Variants in FHAD1 observed in about 807,000 individuals in gnomAD.
FHAD1 encodes the protein forkhead associated phosphopeptide binding domain 1.
In FHAD1, 146 loss-of-function variants were observed where a neutral mutation model predicts 191.3. That is an observed-to-expected ratio of 0.76 (90% CI 0.67 to 0.88). The LOEUF is 0.88. FHAD1 is among the 40% of genes least tolerant of loss of function. The pLI is 0.00. For synonymous variants in FHAD1, 616 were observed against 672.3 expected (o/e 0.92, Z 1.29); for missense variants, 1,635 against 1,785.8 (o/e 0.92, Z 1.52).
rs191648184 is a variant in FHAD1 at position 15,297,909 on chromosome 1, G to A, written c.678+1116G>A. ...TTTTAATTTTTCCATAAGTTATTGC[G>A]GTATAGGTGGTATTTGGTTACATGA... On this transcript the variant is annotated intron_variant, in intron 5 of 33. Coordinates refer to ENST00000688493, the MANE Select transcript of FHAD1 (RefSeq NM_001391957.1). 2.0e-3 allele frequency among the ~76,000 whole-genome samples: 306 copies of A among 151,576 alleles called. 2 individuals carry two copies. Among genetic ancestry groups the A allele is most frequent in the African/African-American group, 6.9e-3 (283 of 41,250 alleles).
chr1:15,307,637 T>G (rs1022387302), intron 6 of FHAD1, among the ~76,000 whole-genome samples: 1 of 152,108 alleles, frequency 6.6e-6, no homozygotes. Context: ...TTATCAGGGG[T>G]TTCCACTTTT....
chr1:15,323,191 C>T (rs1357374699), intron 10 of FHAD1, among the ~76,000 whole-genome samples: 1 of 152,124 alleles, frequency 6.6e-6, no homozygotes, highest in East Asian at 1.9e-4. Context: ...TATCACCATG[C>T]ACAGAGGAGG....
intron 4 of FHAD1, among the ~76,000 whole-genome samples, chr1:15,296,308 C>T (rs947632832): frequency 2.7e-5 from 4 of 147,542 alleles, no homozygotes; most frequent in Admixed American, 6.9e-5. Context: ...GGCTGGAGTG[C>T]AGTGGCGCAA....
At chr1:15,367,808 C>G (rs1460643317) in intron 25 of FHAD1, among the ~76,000 whole-genome samples, 186 bp downstream of exon 25, 2 of 152,136 alleles carry the variant, frequency 1.3e-5, no homozygotes, top group East Asian at 3.9e-4. Flanking sequence ...TGACAGGTCT[C>G]TGCTTAAATG....
At chr1:15,346,603 A>G (rs986133410) in intron 18 of FHAD1, among the ~76,000 whole-genome samples, 1 of 152,200 alleles carries the variant, frequency 6.6e-6, no homozygotes, top group African/African-American at 2.4e-5. Flanking sequence ...CATTGAAGAT[A>G]TTCTACTTCT....
chr1:15,377,735 G>T (rs1404768971), intron 28 of FHAD1, among the ~76,000 whole-genome samples: 1 of 152,080 alleles, frequency 6.6e-6, no homozygotes, highest in African/African-American at 2.4e-5. Flanking sequence ...AGGAGGCTGA[G>T]GCTAGAGAAT....
chr1:15,290,114 G>A (rs1454588751), intron 4 of FHAD1, among the ~76,000 whole-genome samples: 4 of 152,208 alleles, frequency 2.6e-5, no homozygotes, highest in Non-Finnish European at 2.9e-5. Flanking sequence ...CCAGGAAGAT[G>A]ACTTCTCCCG....
At chr1:15,271,974 A>G (rs1311745752) in intron 2 of FHAD1, among the ~76,000 whole-genome samples, 1 of 152,210 alleles carries the variant, frequency 6.6e-6, no homozygotes, top group African/African-American at 2.4e-5. Flanking sequence ...AATAAAAACA[A>G]AAACAAAAAG....
At chr1:15,306,832 T>C (rs1670647127) in intron 6 of FHAD1, among the ~76,000 whole-genome samples, 1 of 152,224 alleles carries the variant, frequency 6.6e-6, no homozygotes, top group Non-Finnish European at 1.5e-5. Context: ...GTCGGGGCCC[T>C]CATGGAGAAC....
At chr1:15,296,496 G>A (rs575425499) in intron 4 of FHAD1, 188 bp from the exon 5 acceptor site, 44 of 589,514 alleles carry the variant, frequency 7.5e-5, no homozygotes, top group Middle Eastern at 2.8e-4. Flanking sequence ...TGCATGATCC[G>A]CCTGCCTTGG....
chr1:15,327,193 C>T lies in FHAD1; in HGVS notation c.1557+51C>T. 2 of 1,251,444 alleles carry T rather than the reference C, an allele frequency of 1.6e-6. No individual in the cohort carries two copies. The highest frequency in any genetic ancestry group is 2.3e-6 in the Non-Finnish European group (2 of 878,574). 77.5% of individuals were successfully genotyped at this position (1,251,444 alleles called of 1,614,324 possible). On this transcript the variant is annotated intron_variant, in intron 12 of 33. Transcript: ENST00000688493. This position sits in a 1 kb window ranked among gnomAD's most constrained non-coding sequence, Gnocchi z 5.1. ...GCTCCTTCACTTTCCTCTTCTTCTT[C>T]TTCGTGGATCTGGATTCCAGACCCT...
intron 1 of FHAD1, among the ~76,000 whole-genome samples, chr1:15,240,351 A>T (rs1016439954): frequency 6.6e-5 from 10 of 152,234 alleles, no homozygotes; most frequent in African/African-American, 2.4e-4. Context: ...GGATCCAGCC[A>T]GGTGTAGTGG....
chr1:15,361,294 G>C (rs915910285), intron 22 of FHAD1, among the ~76,000 whole-genome samples: 1 of 152,126 alleles, frequency 6.6e-6, no homozygotes, highest in African/African-American at 2.4e-5. Context: ...TTTTTTCATG[G>C]ATGGGACTGT....
chr1:15,381,255 G>C lies in FHAD1; in HGVS notation c.3826G>C (p.Gly1276Arg), dbSNP rs200909826. 2.3e-5 allele frequency: 35 copies of C among 1,551,410 alleles called. No homozygotes were observed. The highest frequency in any genetic ancestry group is 2.7e-5 in the Non-Finnish European group (31 of 1,146,932). Residue 1276 changes from glycine (G) to arginine (R), a missense_variant, in exon 30 of 34, where the codon GGA becomes CGA. Physicochemically the swap from Gly to Arg is moderately radical, Grantham distance 125 (BLOSUM62 -2). Coordinates refer to ENST00000688493, the MANE Select transcript of FHAD1 (RefSeq NM_001391957.1). The surrounding 1 kb of genome is among the most constrained non-coding windows in gnomAD (Gnocchi z 4.6). Reference protein sequence around the residue: ...KLYLDMSKTLGSLMNIKNMSG... With the variant: ...KLYLDMSKTLRSLMNIKNMSG... ...GTACCTGGATATGAGCAAAACCCTC[G>C]GAAGTCTCATGAACATCAAGAATAT...
At chr1:15,396,269 C>A (rs926248543) in intron 33 of FHAD1, among the ~76,000 whole-genome samples, 2 of 151,520 alleles carry the variant, frequency 1.3e-5, no homozygotes, top group Non-Finnish European at 2.9e-5. Context: ...CTGCAGTGAG[C>A]GGGGATTGCT....
intron 3 of FHAD1, among the ~76,000 whole-genome samples, chr1:15,284,679 G>A (rs1228689556): frequency 6.6e-6 from 1 of 152,092 alleles, no homozygotes; most frequent in East Asian, 1.9e-4. Context: ...GCAGATGTTA[G>A]CGTAATAACA....
intron 6 of FHAD1, among the ~76,000 whole-genome samples, chr1:15,304,110 C>T (rs987258575): frequency 6.6e-6 from 1 of 152,208 alleles, no homozygotes; most frequent in East Asian, 1.9e-4. Flanking sequence ...CTTTATTCTC[C>T]TGGGTCTCCT....
At chr1:15,295,392 T>A (rs1013191547) in intron 4 of FHAD1, among the ~76,000 whole-genome samples, 1 of 152,156 alleles carries the variant, frequency 6.6e-6, no homozygotes, top group Non-Finnish European at 1.5e-5. Context: ...GAGGATCACT[T>A]AAGCTTAGAG....
chr1:15,245,637 A>G (rs1752020), upstream of FHAD1, among the ~76,000 whole-genome samples: 119,409 of 152,094 alleles, frequency 0.79, 46,966 homozygotes, highest in East Asian at 0.96. Context: ...GTCCCTCCTA[A>G]CATTTTACGC....
Sources: allele counts gnomAD v4.1 joint callset (sites outside exome capture counted in the v4.1 genomes callset), GRCh38; gene constraint gnomAD v4.1.1; non-coding constraint Gnocchi (gnomAD v3.1); transcripts MANE v1.5; gene names NCBI Gene and HGNC (gene_info 2026-07-23, HGNC 2026-07-21).